Variants in GABRR2 observed in about 807,000 individuals in gnomAD.
GABRR2 encodes the protein gamma-aminobutyric acid receptor subunit rho-2.
In GABRR2, 36 loss-of-function variants were observed where a neutral mutation model predicts 47.0. That is an observed-to-expected ratio of 0.77 (90% CI 0.59 to 1.01). The LOEUF (loss-of-function observed/expected upper bound fraction) is 1.01. GABRR2 is among the 50% of genes least tolerant of loss of function. The probability of loss-of-function intolerance (pLI) is 0.00; values close to 1 mark genes in which losing one functional copy is unlikely to be tolerated. For missense variants in GABRR2, 587 were observed against 594.6 expected, an observed-to-expected ratio of 0.99 and a Z score of 0.13; for synonymous variants, 204 against 227.5, an observed-to-expected ratio of 0.90 and a Z score of 0.93.
At chr6:89,286,595 CCTGT>C (rs1774338115) in intron 2 of GABRR2, among the ~76,000 whole-genome samples, 1 of 151,882 alleles carries the variant, frequency 6.6e-6, no homozygotes, top group Non-Finnish European at 1.5e-5. Flanking sequence ...CTATGACAGA[CCTGT>C]CTAATGGGAC....
At chr6:89,298,469 A>G (rs1050029260) in intron 2 of GABRR2, among the ~76,000 whole-genome samples, 3 of 152,146 alleles carry the variant, frequency 2.0e-5, no homozygotes, top group African/African-American at 7.2e-5. Flanking sequence ...GGCTCAAAGG[A>G]TTGGTGACCT....
rs57703020 is a variant in GABRR2 at position 89,292,346 on chromosome 6, T to TTATA, written c.220+7409_220+7412dup. On this transcript the variant is annotated intron_variant, in intron 2 of 8. Transcript: ENST00000402938. ...CATGGTGGTTTCTCAAAAAAAAATT[T>TTATA]TATATATATATATATATATATATAT... Among the ~76,000 whole-genome samples the TTATA allele has an allele frequency of 5.2e-3, 72 of 13,846 alleles. 2 individuals are homozygous for TTATA. Among genetic ancestry groups the TTATA allele is most frequent in the Middle Eastern group, 0.042 (1 of 24 alleles). The allele number at this position is 13,846 out of a possible 152,430, so 9.1% of individuals were successfully genotyped here.
At chr6:89,309,263 C>T (rs1490143666) in intron 1 of GABRR2, among the ~76,000 whole-genome samples, 5 of 152,144 alleles carry the variant, frequency 3.3e-5, no homozygotes, top group Non-Finnish European at 7.3e-5. Flanking sequence ...GCCCTATTTG[C>T]ACATCCTCCA....
rs1194901007 is a variant in GABRR2 at position 89,292,742 on chromosome 6, A to AATCGTATAT, written c.220+7008_220+7016dup. ...GATATATATCGTATATATCATATAT[A>AATCGTATAT]ATCGTATATATCGTATATACGATAT... On this transcript the variant is annotated intron_variant, in intron 2 of 8. Coordinates refer to ENST00000402938, the MANE Select transcript of GABRR2 (RefSeq NM_002043.5). 1.5e-4 allele frequency among the ~76,000 whole-genome samples: 15 copies of AATCGTATAT among 98,262 alleles called. 2 individuals are homozygous for AATCGTATAT. The South Asian group carries it at 3.1e-3, about 21-fold the overall frequency. The allele number at this position is 98,262 out of a possible 152,430, so 64.5% of individuals were successfully genotyped here. A position where few individuals can be genotyped will look rare whatever the true frequency, so the allele number is the denominator to read the frequency against.
intron 1 of GABRR2, among the ~76,000 whole-genome samples, chr6:89,314,021 T>G (rs1767720504): frequency 6.7e-5 from 2 of 29,954 alleles, no homozygotes; most frequent in Non-Finnish European, 1.9e-4. Context: ...ATATTCAGGG[T>G]TTTTTTTTTT....
intron 1 of GABRR2, chr6:89,301,794 C>A: frequency 1.2e-6 from 1 of 831,278 alleles, no homozygotes. Flanking sequence ...TGAGGGAGAT[C>A]CTGCACATTC....
intron 2 of GABRR2, among the ~76,000 whole-genome samples, chr6:89,284,980 C>G (rs1391494769): frequency 6.6e-6 from 1 of 152,190 alleles, no homozygotes; most frequent in Non-Finnish European, 1.5e-5. Flanking sequence ...ATTCCCTGTC[C>G]ACAGCCGACT....
intron 2 of GABRR2, among the ~76,000 whole-genome samples, chr6:89,272,805 G>C (rs755140793): frequency 2.6e-5 from 4 of 152,198 alleles, no homozygotes; most frequent in Admixed American, 1.3e-4. Context: ...AGAACTGGAA[G>C]GGCTGAGACT....
chr6:89,257,776 C>G lies in GABRR2; in HGVS notation c.1292G>C (p.Gly431Ala), dbSNP rs1056368227. 3.7e-6 allele frequency: 6 copies of G among 1,613,982 alleles called. No individual in the cohort carries two copies. The highest frequency in any genetic ancestry group is 4.2e-6 in the Non-Finnish European group (5 of 1,179,872). The change falls in exon 9 of 9, where the codon GGT (glycine) becomes GCT (alanine). Residue 431 changes from glycine to alanine, a missense_variant. Physicochemically the swap from Gly to Ala is moderately conservative, Grantham distance 60 (BLOSUM62 0). Transcript: ENST00000402938. ...ATGGGTATTCTGGAAGATACGAAAA[C>G]CCGTCTGGCCCTTCAGAAGCCCCTT... The part of the protein sequence containing the change: ...RKKGLLKGQT[G>A]FRIFQNTHAI...
intron 2 of GABRR2, among the ~76,000 whole-genome samples, chr6:89,289,969 T>C (rs537295831): frequency 6.6e-6 from 1 of 152,256 alleles, no homozygotes; most frequent in South Asian, 2.1e-4. Flanking sequence ...CCTACTCTTA[T>C]GGGACTCTTT....
intron 1 of GABRR2, chr6:89,302,748 C>G: frequency 7.0e-7 from 1 of 1,420,000 alleles, no homozygotes; most frequent in Non-Finnish European, 9.7e-7. Context: ...GGTGGACGAG[C>G]AGATGCTGTC....
Position 89,280,211 on chromosome 6 carries a change from A to AAT in GABRR2, c.221-8491_221-8490dup, listed in dbSNP as rs35295435. Among the ~76,000 whole-genome samples, 506 of 110,152 alleles carry AAT rather than the reference A, an allele frequency of 4.6e-3. 6 individuals carry two copies. Among genetic ancestry groups the AAT allele is most frequent in the African/African-American group, 0.011 (301 of 27,026 alleles). The allele number at this position is 110,152 out of a possible 152,430, so 72.3% of individuals were successfully genotyped here. A position where few individuals can be genotyped will look rare whatever the true frequency, so the allele number is the denominator to read the frequency against. On this transcript the variant is annotated intron_variant, in intron 2 of 8. Transcript: ENST00000402938. ...ATGACAGAGACTTAGTCTAAAAACA[A>AAT]ATATATATATATATATATATATATA...
chr6:89,303,091 T>G (rs535286983), intron 1 of GABRR2: 1 of 728,628 alleles, frequency 1.4e-6, no homozygotes, highest in Non-Finnish European at 2.2e-6. Context: ...GGAGGAGGAA[T>G]TGGAGGCCCA....
intron 1 of GABRR2, chr6:89,301,808 C>G (rs1767445405): frequency 1.1e-6 from 1 of 893,476 alleles, no homozygotes; most frequent in Non-Finnish European, 1.9e-6. Context: ...CACATTCAGG[C>G]CGGCCAGTGC....
intron 2 of GABRR2, among the ~76,000 whole-genome samples, chr6:89,291,480 G>A (rs111869450): frequency 4.6e-5 from 7 of 151,836 alleles, no homozygotes; most frequent in East Asian, 1.9e-4. Context: ...GTCTACACAC[G>A]CACACACTAG....
At chr6:89,294,935 C>A (rs1774530578) in intron 2 of GABRR2, among the ~76,000 whole-genome samples, 2 of 151,882 alleles carry the variant, frequency 1.3e-5, no homozygotes, top group Admixed American at 1.3e-4. Flanking sequence ...ATGATGGTTT[C>A]CAGCTTCATC....
Position 89,264,435 on chromosome 6 carries a change from T to C in GABRR2, c.1063A>G (p.Lys355Glu). ...ACCTTCTCCCGCAGCTTCCGTTCCTTGCGCTCCTGCACGGTGGTCAGGTAG... is the reference window on the plus strand; with the variant it reads ...ACCTTCTCCCGCAGCTTCCGTTCCTCGCGCTCCTGCACGGTGGTCAGGTAG... ...VNYLTTVQERKERKLREKFPC... is the reference protein window; with the variant it reads ...VNYLTTVQEREERKLREKFPC... Residue 355 changes from lysine to glutamate, a missense_variant, in exon 8 of 9, where the codon AAG (lysine) becomes GAG (glutamate). Coordinates refer to ENST00000402938, the MANE Select transcript of GABRR2 (RefSeq NM_002043.5). The C allele has an allele frequency of 6.2e-7, 1 of 1,613,852 alleles. No individual in the cohort carries two copies. The highest frequency in any genetic ancestry group is 8.5e-7 in the Non-Finnish European group (1 of 1,179,878).
intron 1 of GABRR2, among the ~76,000 whole-genome samples, chr6:89,312,392 T>C (rs1208100839): frequency 6.6e-6 from 1 of 152,220 alleles, no homozygotes; most frequent in Non-Finnish European, 1.5e-5. Context: ...TTGTTCTGTG[T>C]GCATGCCTTG....
rs566218184 is a variant in GABRR2, at chr6:89,269,209, C to T, written c.314G>A (p.Arg105Gln). The T allele has an allele frequency of 2.0e-5, 33 of 1,613,974 alleles. No homozygotes were observed. In the South Asian group the frequency reaches 2.1e-4, roughly 10 times the overall value. ...TAGCCTCTCATCCTTCCAGTAATGCCGCAGGTACAGGGTCATAGTGAAGTC... is the reference window on the plus strand; with the variant it reads ...TAGCCTCTCATCCTTCCAGTAATGCTGCAGGTACAGGGTCATAGTGAAGTC... The part of the protein sequence containing the change: ...DMDFTMTLYL[R>Q]HYWKDERLAF... The change falls in exon 4 of 9, where the codon CGG becomes CAG. Residue 105 changes from arginine (R) to glutamine (Q), a missense_variant. By Grantham distance (43) the Arg-to-Gln change is conservative. Transcript: ENST00000402938.
Sources: allele counts gnomAD v4.1 joint callset (sites outside exome capture counted in the v4.1 genomes callset), GRCh38; gene constraint gnomAD v4.1.1; transcripts MANE v1.5; gene names NCBI Gene and HGNC (gene_info 2026-07-23, HGNC 2026-07-21).